The following RYR2 variants were observed in gnomAD, a reference collection of about 807,000 sequenced individuals.
RYR2 encodes the protein ryanodine receptor 2, also known as cardiac muscle ryanodine receptor-calcium release channel.
RYR2 carries 227 observed loss-of-function variants against 601.1 expected under a neutral mutation model. The observed-to-expected ratio is 0.38, with a 90% confidence interval of 0.34 to 0.42. The LOEUF is 0.42. RYR2 is among the 10% of genes least tolerant of loss of function. The pLI, the probability that RYR2 is intolerant of heterozygous loss-of-function variation, is 1.00. For missense variants in RYR2, 4,646 were observed against 6,156.5 expected (o/e 0.75, Z 8.21); for synonymous variants, 2,223 against 2,175.1 (o/e 1.02, Z -0.61).
intron 29 of RYR2, among the ~76,000 whole-genome samples, chr1:237,579,238 T>A (rs1337860333): frequency 8.5e-6 from 1 of 117,390 alleles, no homozygotes; most frequent in Non-Finnish European, 1.7e-5. Flanking sequence ...ATAATTTACT[T>A]CTTCTTCTTC....
At chr1:237,129,973 C>T (rs1387519237) in intron 1 of RYR2, among the ~76,000 whole-genome samples, 1 of 151,946 alleles carries the variant, frequency 6.6e-6, no homozygotes, top group Non-Finnish European at 1.5e-5. Context: ...AGATTGTGGT[C>T]AAAGAGTATG....
intron 1 of RYR2, among the ~76,000 whole-genome samples, chr1:237,084,391 C>T (rs60647531): frequency 0.16 from 24,191 of 152,068 alleles, 2,237 homozygotes; most frequent in African/African-American, 0.26. Flanking sequence ...CTAAGACCCG[C>T]GAGCTGAGGG....
chr1:237,081,825 G>A (rs1387313458), intron 1 of RYR2, among the ~76,000 whole-genome samples: 1 of 152,076 alleles, frequency 6.6e-6, no homozygotes, highest in Non-Finnish European at 1.5e-5. Context: ...TTCTCCTGCG[G>A]CATGGCCTTC....
At chr1:237,273,175 T>C (rs1327398814) in intron 2 of RYR2, among the ~76,000 whole-genome samples, 1 of 151,914 alleles carries the variant, frequency 6.6e-6, no homozygotes, top group Non-Finnish European at 1.5e-5. Flanking sequence ...TGGCTATATC[T>C]GGGGGTGACA....
At chr1:237,676,831 AT>A (rs1238073246) in intron 60 of RYR2, among the ~76,000 whole-genome samples, 2 of 151,920 alleles carry the variant, frequency 1.3e-5, no homozygotes, top group African/African-American at 4.8e-5. Context: ...GCACAGAAGC[AT>A]TTTTTTTAAA....
intron 1 of RYR2, among the ~76,000 whole-genome samples, chr1:237,077,992 A>G (rs372860685): frequency 0.051 from 4,317 of 83,940 alleles, 1 homozygote; most frequent in Middle Eastern, 0.11. Flanking sequence ...CCGCTCAACT[A>G]CATGGAAACT....
At chr1:237,183,449 C>G (rs1679007628) in intron 1 of RYR2, among the ~76,000 whole-genome samples, 1 of 152,122 alleles carries the variant, frequency 6.6e-6, no homozygotes. Context: ...ACAGATAGTC[C>G]TTTGGATTTA....
intron 10 of RYR2, among the ~76,000 whole-genome samples, chr1:237,395,901 A>T (rs185809718): frequency 6.6e-6 from 1 of 152,226 alleles, no homozygotes; most frequent in Admixed American, 6.5e-5. Flanking sequence ...AGTGCCACTG[A>T]TCACACGTGT....
chr1:237,665,501 A>C (rs1447312611), intron 56 of RYR2, among the ~76,000 whole-genome samples: 1 of 152,088 alleles, frequency 6.6e-6, no homozygotes, highest in African/African-American at 2.4e-5. Flanking sequence ...GGACAGGTTC[A>C]GTGAGAGTTT....
intron 19 of RYR2, among the ~76,000 whole-genome samples, chr1:237,495,248 A>C (rs1239114989): frequency 6.6e-6 from 1 of 152,208 alleles, no homozygotes; most frequent in African/African-American, 2.4e-5. Context: ...GAGGATGAGC[A>C]AGGTTTCATA....
chr1:237,337,048 C>T (rs1697310439), intron 3 of RYR2, among the ~76,000 whole-genome samples: 1 of 151,544 alleles, frequency 6.6e-6, no homozygotes. Context: ...GTCAGGAATT[C>T]GAGACCAGCC....
chr1:237,709,370 C>CTCA, intron 69 of RYR2, 110 bp from the exon 70 acceptor site: 2 of 761,564 alleles, frequency 2.6e-6, no homozygotes, highest in Non-Finnish European at 4.5e-6. Context: ...TGTGCTGAAA[C>CTCA]CATCATGAGC....
At chr1:237,548,611 G>C (rs1214309595) in intron 26 of RYR2, 21 bp downstream of exon 26, 4 of 1,608,286 alleles carry the variant, frequency 2.5e-6, no homozygotes, top group Non-Finnish European at 3.4e-6. Context: ...ATTAGCATTT[G>C]GTCTGAGACT....
intron 1 of RYR2, among the ~76,000 whole-genome samples, chr1:237,043,853 G>A (rs914313662): frequency 1.3e-5 from 2 of 152,182 alleles, no homozygotes; most frequent in African/African-American, 4.8e-5. Flanking sequence ...TAACTTTTAG[G>A]TGTGAAAATA....
intron 1 of RYR2, among the ~76,000 whole-genome samples, chr1:237,268,964 A>G (rs1689388101): frequency 6.8e-6 from 1 of 147,716 alleles, no homozygotes; most frequent in Non-Finnish European, 1.5e-5. Context: ...AAAAAAAAGG[A>G]AATAAAGGCA....
At chr1:237,138,386 G>A (rs1673033249) in intron 1 of RYR2, among the ~76,000 whole-genome samples, 1 of 152,056 alleles carries the variant, frequency 6.6e-6, no homozygotes, top group Non-Finnish European at 1.5e-5. Flanking sequence ...TTTTGTTGTT[G>A]TTCTTGTTCA....
At chr1:237,702,100 T>G in intron 66 of RYR2, 41 bp downstream of exon 66, 1 of 1,084,720 alleles carries the variant, frequency 9.2e-7, no homozygotes, top group Non-Finnish European at 1.4e-6. Context: ...AATTGCTGCT[T>G]CAAGTTTTAT....
intron 1 of RYR2, among the ~76,000 whole-genome samples, chr1:237,237,985 T>C (rs1291234449): frequency 3.4e-5 from 5 of 146,646 alleles, no homozygotes; most frequent in African/African-American, 5.1e-5. Context: ...TCCTTTCCTT[T>C]CCAACAGGGT....
At chr1:237,411,495 AT>A (rs1558773388) in intron 10 of RYR2, among the ~76,000 whole-genome samples, 1 of 152,120 alleles carries the variant, frequency 6.6e-6, no homozygotes, top group Admixed American at 6.5e-5. Context: ...GCAAAATATT[AT>A]TGAATCTTAA....
Sources: gnomAD v4.1 joint callset for allele counts (sites outside exome capture counted in the v4.1 genomes callset) on GRCh38, gnomAD v4.1.1 for gene constraint, MANE v1.5 for transcripts, NCBI Gene and HGNC (gene_info 2026-07-23, HGNC 2026-07-21) for gene names.